NAALADL2: variants seen among roughly 807,000 people sequenced by gnomAD.
The protein encoded by NAALADL2 is inactive N-acetylated-alpha-linked acidic dipeptidase-like protein 2.
Under a neutral mutation model 87.2 loss-of-function variants are expected in NAALADL2, and 76 were observed. The ratio of observed to expected loss-of-function variants is 0.87; its 90% CI spans 0.72 to 1.05. NAALADL2 has a LOEUF of 1.05. NAALADL2 is among the 50% of genes least tolerant of loss of function. The pLI, the probability that NAALADL2 is intolerant of heterozygous loss-of-function variation, is 0.00. For synonymous variants in NAALADL2, 354 were observed against 331.0 expected, an observed-to-expected ratio of 1.07 and a Z score of -0.75; for missense variants, 1,089 against 945.8, an observed-to-expected ratio of 1.15 and a Z score of -1.99.
chr3:174,871,832 G>A lies in NAALADL2; in HGVS notation c.43+12382G>A, dbSNP rs558617316. 1.4e-4 allele frequency among the ~76,000 whole-genome samples: 22 copies of A among 152,258 alleles called. No individual in the cohort carries two copies. In the South Asian group the frequency reaches 2.7e-3, roughly 19 times the overall value. ...GAGAATTGCTTGAACCTGGGAGGTG[G>A]AGGTTGCACTGAGCTGAGATCATGC... On this transcript the variant is annotated intron_variant, in intron 1 of 13. Transcript: ENST00000454872.
intron 3 of NAALADL2, among the ~76,000 whole-genome samples, chr3:174,845,925 G>A (rs1330409820): frequency 1.3e-5 from 2 of 152,200 alleles, no homozygotes; most frequent in Admixed American, 6.5e-5. Flanking sequence ...AGGACGCGTT[G>A]CACCTGTGGG....
intron 2 of NAALADL2, among the ~76,000 whole-genome samples, chr3:175,226,782 G>A (rs545735655): frequency 1.8e-4 from 28 of 152,164 alleles, no homozygotes; most frequent in African/African-American, 4.3e-4. Context: ...GGAAGGCTAC[G>A]GGATGCTGCC....
At chr3:174,856,271 G>T (rs1433396649), upstream of NAALADL2, among the ~76,000 whole-genome samples, 1 of 152,082 alleles carries the variant, frequency 6.6e-6, no homozygotes, top group African/African-American at 2.4e-5. Flanking sequence ...CTCCCAAAGT[G>T]CTGGGATTAC....
At chr3:174,728,060 T>C (rs1732370704) in intron 2 of NAALADL2, among the ~76,000 whole-genome samples, 1 of 152,120 alleles carries the variant, frequency 6.6e-6, no homozygotes. Flanking sequence ...ACTCAGTTTT[T>C]TTTAGTACTG....
chr3:175,425,362 G>A (rs1237690670), intron 5 of NAALADL2, among the ~76,000 whole-genome samples: 1 of 152,112 alleles, frequency 6.6e-6, no homozygotes, highest in Non-Finnish European at 1.5e-5. Context: ...CCTTTCTACT[G>A]ATCCTGGCTC....
chr3:174,775,525 C>T (rs959234729), intron 3 of NAALADL2, among the ~76,000 whole-genome samples: 1 of 152,128 alleles, frequency 6.6e-6, no homozygotes, highest in African/African-American at 2.4e-5. Flanking sequence ...TAAAACCTTT[C>T]TATTGCAAGT....
chr3:175,452,835 G>A (rs1721777367), intron 6 of NAALADL2, among the ~76,000 whole-genome samples: 1 of 152,122 alleles, frequency 6.6e-6, no homozygotes, highest in African/African-American at 2.4e-5. Flanking sequence ...ATCTTAAATG[G>A]AGTGAGCGTA....
At chr3:174,662,083 G>A (rs1231946947) in intron 2 of NAALADL2, among the ~76,000 whole-genome samples, 2 of 151,280 alleles carry the variant, frequency 1.3e-5, no homozygotes, top group Non-Finnish European at 2.9e-5. Context: ...CTCTACTGTG[G>A]GATAAAAATA....
intron 5 of NAALADL2, among the ~76,000 whole-genome samples, chr3:175,419,879 A>C (rs574167234): frequency 3.6e-4 from 55 of 152,136 alleles, no homozygotes; most frequent in African/African-American, 1.2e-3. Context: ...TTTTTAAGAA[A>C]AGAAAAATCA....
intron 2 of NAALADL2, among the ~76,000 whole-genome samples, chr3:174,556,248 T>C (rs1712803490): frequency 6.6e-6 from 1 of 152,096 alleles, no homozygotes; most frequent in African/African-American, 2.4e-5. Flanking sequence ...GTGGAATGAT[T>C]TGCCACCTAA....
chr3:175,592,115 A>G (rs1017285732), intron 10 of NAALADL2, among the ~76,000 whole-genome samples: 9 of 152,148 alleles, frequency 5.9e-5, no homozygotes, highest in Admixed American at 1.3e-4. Flanking sequence ...TCATCCGTTG[A>G]TTGGCTACCC....
chr3:174,928,343 G>A (rs191923926), intron 1 of NAALADL2, among the ~76,000 whole-genome samples: 6 of 152,098 alleles, frequency 3.9e-5, no homozygotes, highest in African/African-American at 9.7e-5. Flanking sequence ...GAGTTCAAGC[G>A]ATTCTTCTGC....
At chr3:174,626,498 T>C (rs1314719979) in intron 2 of NAALADL2, among the ~76,000 whole-genome samples, 1 of 152,006 alleles carries the variant, frequency 6.6e-6, no homozygotes, top group African/African-American at 2.4e-5. Flanking sequence ...TTTACAAGAG[T>C]GTCTTTGTCT....
At chr3:175,678,536 A>G (rs570944344) in intron 11 of NAALADL2, among the ~76,000 whole-genome samples, 1 of 152,228 alleles carries the variant, frequency 6.6e-6, no homozygotes, top group Non-Finnish European at 1.5e-5. Context: ...ATGGAATACT[A>G]TGCAGCCATA....
At chr3:175,553,270 G>A (rs1393258440) in intron 9 of NAALADL2, among the ~76,000 whole-genome samples, 1 of 152,100 alleles carries the variant, frequency 6.6e-6, no homozygotes, top group Non-Finnish European at 1.5e-5. Context: ...CTGACCATTG[G>A]GCTCTACGCC....
intron 5 of NAALADL2, among the ~76,000 whole-genome samples, chr3:175,383,883 C>A (rs181679615): frequency 6.6e-6 from 1 of 152,118 alleles, no homozygotes; most frequent in Admixed American, 6.6e-5. Flanking sequence ...TTCTCTAGTT[C>A]TTTCTCAGTA....
Position 175,368,562 on chromosome 3 carries a change from G to GGT in NAALADL2, c.1090+44245_1090+44246dup, listed in dbSNP as rs201958182. 6.0e-3 allele frequency among the ~76,000 whole-genome samples: 875 copies of GGT among 147,054 alleles called. 1 individual carries two copies. Among genetic ancestry groups the GGT allele is most frequent in the Middle Eastern group, 0.031 (9 of 290 alleles). The stretch of plus-strand genomic sequence containing the variant: ...TTTATACTTTGAAAGGACTGTAGCA[G>GGT]GTGTGTGTGAGTGTGTGTGTGTGTG... On this transcript the variant is annotated intron_variant, in intron 5 of 13. Transcript: ENST00000454872.
At chr3:174,462,644 G>T (rs1353958885) in intron 1 of NAALADL2, among the ~76,000 whole-genome samples, 2 of 152,132 alleles carry the variant, frequency 1.3e-5, no homozygotes, top group Non-Finnish European at 1.5e-5. Flanking sequence ...TTAGAGAGGT[G>T]TCAAGATATG....
intron 11 of NAALADL2, among the ~76,000 whole-genome samples, chr3:175,698,504 A>ATATATATAT (rs1278192087): frequency 0.012 from 1,056 of 86,926 alleles, 101 homozygotes; most frequent in Non-Finnish European, 0.016. Flanking sequence ...TATATATATA[A>ATATATATAT]AATCTCCAAG....
Sources: allele counts gnomAD v4.1 joint callset (sites outside exome capture counted in the v4.1 genomes callset), GRCh38; gene constraint gnomAD v4.1.1; transcripts MANE v1.5; gene names NCBI Gene and HGNC (gene_info 2026-07-23, HGNC 2026-07-21).